PRPF40B: variants seen among roughly 807,000 people sequenced by gnomAD.
PRPF40B encodes pre-mRNA processing factor 40B, also known as pre-mRNA-processing factor 40 homolog B.
Under a neutral mutation model 124.5 loss-of-function variants are expected in PRPF40B, and 56 were observed. The ratio of observed to expected loss-of-function variants is 0.45; its 90% CI spans 0.36 to 0.56. The LOEUF is 0.56. PRPF40B is among the 20% of genes least tolerant of loss of function. The probability of loss-of-function intolerance (pLI) is 0.00; values close to 1 mark genes in which losing one functional copy is unlikely to be tolerated. For synonymous variants in PRPF40B, 443 were observed against 426.4 expected (o/e 1.04, Z -0.48); for missense variants, 1,053 against 1,169.5 (o/e 0.90, Z 1.45).
chr12:49,637,308 C>G (rs1941958687), intron 16 of PRPF40B, 162 bp from the exon 17 acceptor site: 1 of 613,742 alleles, frequency 1.6e-6, no homozygotes, highest in Admixed American at 2.8e-5. Context: ...TTGCATTGTT[C>G]TCAGCCTTCC....
rs756087741 is a variant in PRPF40B, at chr12:49,634,571, A to G, written c.970A>G (p.Met324Val). The change falls in exon 12 of 26, where the codon ATG (methionine) becomes GTG (valine). Residue 324 changes from methionine to valine, a missense_variant. Around this residue, in one of 2 missense-constraint regions of PRPF40B, gnomAD observed 895 missense variants for 1,052.2 expected, o/e 0.85. Coordinates refer to ENST00000548825, the MANE Select transcript of PRPF40B (RefSeq NM_001031698.3). ...CTCCAATGCCTCATGGGAACAGGCC[A>G]TGAAGATGGTGGTCACCGACCCCCG... ...VPSNASWEQA[M>V]KMVVTDPRYS... is the part of the protein sequence containing the mutation. The G allele has an allele frequency of 2.5e-6, 4 of 1,614,070 alleles. No individual in the cohort carries two copies. In the African/African-American group the frequency reaches 4.0e-5, roughly 16 times the overall value.
Position 49,632,996 on chromosome 12 carries a change from G to GGGGGGGGGGGGGC in PRPF40B, c.349-18_349-17insGGGGGGGGGGGGC. On this transcript the variant is annotated splice_polypyrimidine_tract_variant and intron_variant, in intron 6 of 25. Transcript: ENST00000548825. The stretch of plus-strand genomic sequence containing the variant: ...AAAGGGGCCTTGACCACCATTCTGT[G>GGGGGGGGGGGGGC]CCCCCCCCCCCACCCAGAGGGCCCT... The GGGGGGGGGGGGGC allele has an allele frequency of 8.7e-7, 1 of 1,147,398 alleles. No homozygotes were observed. The allele number at this position is 1,147,398 out of a possible 1,614,324, so 71.1% of individuals were successfully genotyped here.
chr12:49,641,918 T>C lies in PRPF40B; in HGVS notation c.1778T>C (p.Phe593Ser). ...CTGCTGTACCCACAGGACCGGGGCTTCTGCGTGGAGGTGAACACGGCCTTT... is the reference window on the plus strand; with the variant it reads ...CTGCTGTACCCACAGGACCGGGGCTCCTGCGTGGAGGTGAACACGGCCTTT... ...IIKDILKDRGFCVEVNTAFED... is the reference protein window; with the variant it reads ...IIKDILKDRGSCVEVNTAFED... Residue 593 changes from phenylalanine to serine, a missense_variant, in exon 19 of 26, where the codon TTC (phenylalanine) becomes TCC (serine). Around this residue, in one of 2 missense-constraint regions of PRPF40B, gnomAD observed 895 missense variants for 1,052.2 expected, o/e 0.85. Coordinates refer to ENST00000548825, the MANE Select transcript of PRPF40B (RefSeq NM_001031698.3). 1 of 1,613,398 alleles carries C rather than the reference T, an allele frequency of 6.2e-7. No homozygotes were observed. The highest frequency in any genetic ancestry group is 8.5e-7 in the Non-Finnish European group (1 of 1,180,030).
intron 4 of PRPF40B, 97 bp from the exon 5 acceptor site, chr12:49,632,499 G>A (rs914276623): frequency 4.2e-5 from 55 of 1,298,470 alleles, no homozygotes; most frequent in Non-Finnish European, 5.7e-5. Flanking sequence ...CAGGACACAT[G>A]GATTCTGGCC....
Position 49,635,072 on chromosome 12 carries a change from C to G in PRPF40B, c.1002-27C>G. 1 of 1,597,750 alleles carries G rather than the reference C, an allele frequency of 6.3e-7. No individual in the cohort carries two copies. The highest frequency in any genetic ancestry group is 8.5e-7 in the Non-Finnish European group (1 of 1,172,800). ...AGTGGTTCGGGTGACTTCTCTATCCCCACCCCACTCCTACCCTCTATCCCA... is the reference window on the plus strand; with the variant it reads ...AGTGGTTCGGGTGACTTCTCTATCCGCACCCCACTCCTACCCTCTATCCCA... On this transcript the variant is annotated intron_variant, in intron 12 of 25. Transcript: ENST00000548825. This position sits in a 1 kb window ranked among gnomAD's most constrained non-coding sequence, Gnocchi z 4.1.
chr12:49,626,184 T>G (rs12299513), intron 1 of PRPF40B, among the ~76,000 whole-genome samples: 29,876 of 152,214 alleles, frequency 0.2, 4,638 homozygotes, highest in African/African-American at 0.44. Context: ...TGCACACGTG[T>G]ATACACTGTT....
At position 49,630,584 on chromosome 12, in the gene PRPF40B, G is replaced by A; in HGVS notation, c.43G>A (p.Ala15Thr). 1 of 1,428,920 alleles carries A rather than the reference G, an allele frequency of 7.0e-7. No individual in the cohort carries two copies. The highest frequency in any genetic ancestry group is 9.8e-7 in the Non-Finnish European group (1 of 1,015,702). 88.5% of individuals were successfully genotyped at this position (1,428,920 alleles called of 1,614,324 possible). ...TGGTCCCCGGCCCCCAGCAGCGCCT[G>A]CCCCCTTCCCACCGGGGCCCCCCAT... is the stretch of plus-strand genomic sequence containing the variant. ...DSGPRPPAAPAPFPPGPPMMP... is the reference protein window; with the variant it reads ...DSGPRPPAAPTPFPPGPPMMP... Residue 15 changes from alanine (A) to threonine (T), a missense_variant, in exon 2 of 26, where the codon GCC (alanine) becomes ACC (threonine). Ala to Thr is a moderately conservative substitution (Grantham distance 58). Transcript: ENST00000548825.
In PRPF40B at chr12:49,630,635, A is replaced by G. The variant is rs1446501386; in HGVS notation, c.84+10A>G. On this transcript the variant is annotated intron_variant, in intron 2 of 25. Coordinates refer to ENST00000548825, the MANE Select transcript of PRPF40B (RefSeq NM_001031698.3). Reference sequence around the variant, plus strand: ...GATGCCACCACCCTTCGTAAGTTTTATGTCTTTCCCTGGGCTTGGCTTTTC... The same window carrying G: ...GATGCCACCACCCTTCGTAAGTTTTGTGTCTTTCCCTGGGCTTGGCTTTTC... The G allele has an allele frequency of 5.4e-6, 7 of 1,293,818 alleles. No homozygotes were observed. In the South Asian group the frequency reaches 8.4e-5, roughly 16 times the overall value. 80.1% of individuals were successfully genotyped at this position (1,293,818 alleles called of 1,614,324 possible).
At chr12:49,633,209 T>C in intron 7 of PRPF40B, 85 bp downstream of exon 7, 1 of 1,310,816 alleles carries the variant, frequency 7.6e-7, no homozygotes, top group Non-Finnish European at 1.1e-6. Flanking sequence ...CTAACCATAT[T>C]CATGATGGTT....
At chr12:49,636,115 C>A in intron 15 of PRPF40B, 122 bp downstream of exon 15, 1 of 1,221,114 alleles carries the variant, frequency 8.2e-7, no homozygotes. Flanking sequence ...TAGGAGTACT[C>A]AACACTCACC....
At position 49,631,572 on chromosome 12, in the gene PRPF40B, C is replaced by T. The variant is rs1328169326; in HGVS notation, c.228+28C>T. ...AATTGTCTCTCCTCCCCTGGGGCCT[C>T]AGAAAACCCTGTCAGTTTAGCTGGG... On this transcript the variant is annotated intron_variant, in intron 3 of 25. Transcript: ENST00000548825. This position sits in a 1 kb window ranked among gnomAD's most constrained non-coding sequence, Gnocchi z 4.3. The T allele has an allele frequency of 6.5e-7, 1 of 1,539,356 alleles. No homozygotes were observed. The highest frequency in any genetic ancestry group is 8.7e-7 in the Non-Finnish European group (1 of 1,147,162).
chr12:49,641,893 C>T lies in PRPF40B; in HGVS notation c.1768-15C>T, dbSNP rs747146229. The T allele has an allele frequency of 8.1e-6, 13 of 1,610,584 alleles. No individual in the cohort carries two copies. Among genetic ancestry groups the T allele is most frequent in the Non-Finnish European group, 1.1e-5 (13 of 1,178,496 alleles). ...GCACGTGGTGCCCCTGCTTCATGCA[C>T]TGCTGTACCCACAGGACCGGGGCTT... On this transcript the variant is annotated splice_polypyrimidine_tract_variant and intron_variant, in intron 18 of 25. Transcript: ENST00000548825.
chr12:49,638,839 T>C (rs1245101195), intron 18 of PRPF40B: 1 of 152,130 alleles, frequency 6.6e-6, no homozygotes, highest in Non-Finnish European at 1.5e-5. Context: ...ATTACAGAGA[T>C]TAAATGGTAC....
chr12:49,632,960 GA>G, intron 6 of PRPF40B, 53 bp from the exon 7 acceptor site: 5 of 1,609,482 alleles, frequency 3.1e-6, no homozygotes, highest in Non-Finnish European at 3.4e-6. Flanking sequence ...GGGGTGAGGA[GA>G]GGCTTTGGAA....
rs1358190641 is a variant in PRPF40B at position 49,632,546 on chromosome 12, G to A, written c.295-50G>A. On this transcript the variant is annotated intron_variant, in intron 4 of 25. Transcript: ENST00000548825. The stretch of plus-strand genomic sequence containing the variant: ...TCCATCCCCCATGGCCTGGGTCCTG[G>A]GGGCCACTGGGCTTGGCCCCAACCC... The A allele has an allele frequency of 3.7e-6, 6 of 1,605,016 alleles. No individual in the cohort carries two copies. The South Asian group carries it at 6.7e-5, about 18-fold the overall frequency.
rs1941403120 is a variant in PRPF40B, at chr12:49,633,102, G to A, written c.437G>A (p.Ser146Asn). ...AAGCAGTCCGTGTGGGAGAAGCCCA[G>A]CGTGCTCAAGTCCAAGGCAGAGGTC... ...DDKQSVWEKP[S>N]VLKSKAELLL... Residue 146 changes from serine (S) to asparagine (N), a missense_variant, in exon 7 of 26, where the codon AGC becomes AAC. By Grantham distance (46) the Ser-to-Asn change is conservative. Around this residue, in one of 2 missense-constraint regions of PRPF40B, gnomAD observed 895 missense variants for 1,052.2 expected, o/e 0.85. Transcript: ENST00000548825. 1 of 1,594,462 alleles carries A rather than the reference G, an allele frequency of 6.3e-7. No individual in the cohort carries two copies. Among genetic ancestry groups the A allele is most frequent in the African/African-American group, 1.3e-5 (1 of 74,098 alleles).
At chr12:49,623,334 G>A (rs1029728569), upstream of PRPF40B, 3 of 182,510 alleles carry the variant, frequency 1.6e-5, no homozygotes, top group Admixed American at 1.2e-4. Flanking sequence ...GAGCAGGCGT[G>A]CCCCGCCCCC....
intron 1 of PRPF40B, among the ~76,000 whole-genome samples, chr12:49,626,210 A>T (rs1411875389): frequency 6.6e-6 from 1 of 152,276 alleles, no homozygotes; most frequent in Non-Finnish European, 1.5e-5. Context: ...AGTGCATTTT[A>T]GGATATTCCA....
In PRPF40B at chr12:49,643,695, T is replaced by A. The variant is rs368213608; in HGVS notation, c.2385T>A (p.His795Gln). Residue 795 changes from histidine to glutamine, a missense_variant, in exon 24 of 26, where the codon CAT becomes CAA. His to Gln is a conservative substitution (Grantham distance 24). This residue lies in a region of PRPF40B where 895 missense variants were observed against 1,052.2 expected (regional missense o/e 0.85). Transcript: ENST00000548825. ...SPSSHLLGAD[H>Q]GLRKAKKPKK... ...TAGGGATTTTTCTATCTCTAGATCA[T>A]GGCCTTCGGAAAGCCAAGAAACCAA... is the stretch of plus-strand genomic sequence containing the variant. 67 of 1,613,922 alleles carry A rather than the reference T, an allele frequency of 4.2e-5. No individual in the cohort carries two copies. The highest frequency in any genetic ancestry group is 5.4e-5 in the Non-Finnish European group (64 of 1,179,988).
Sources: allele counts gnomAD v4.1 joint callset (sites outside exome capture counted in the v4.1 genomes callset), GRCh38; gene constraint gnomAD v4.1.1; regional missense constraint gnomAD v4.1.1; non-coding constraint Gnocchi (gnomAD v3.1); transcripts MANE v1.5; gene names NCBI Gene and HGNC (gene_info 2026-07-23, HGNC 2026-07-21).